The following CLASP2 variants were observed in gnomAD, a reference collection of about 807,000 sequenced individuals.
CLASP2 encodes the protein cytoplasmic linker associated protein 2, also known as CLIP-associating protein 2.
CLASP2 carries 47 observed loss-of-function variants against 194.4 expected under a neutral mutation model. The ratio of observed to expected loss-of-function variants is 0.24; its 90% CI spans 0.19 to 0.31. The LOEUF is 0.31. CLASP2 is among the 10% of genes least tolerant of loss of function. The probability of loss-of-function intolerance (pLI) is 1.00; values close to 1 mark genes in which losing one functional copy is unlikely to be tolerated. For missense variants in CLASP2, 1,445 were observed against 1,823.6 expected, an observed-to-expected ratio of 0.79 and a Z score of 3.78; for synonymous variants, 619 against 633.5, an observed-to-expected ratio of 0.98 and a Z score of 0.34.
chr3:33,514,662 C>A, intron 36 of CLASP2: 1 of 333,214 alleles, frequency 3.0e-6, no homozygotes, highest in Non-Finnish European at 6.3e-6. Flanking sequence ...TCCAGCAATC[C>A]CACTATTGGG....
At chr3:33,629,837 T>C (rs2154291174) in intron 9 of CLASP2, among the ~76,000 whole-genome samples, 1 of 149,228 alleles carries the variant, frequency 6.7e-6, no homozygotes, top group East Asian at 2.0e-4. Context: ...TAGTATAATA[T>C]GTACAGTCCT....
At chr3:33,504,773 T>G (rs569884057) in intron 37 of CLASP2, 2 of 152,336 alleles carry the variant, frequency 1.3e-5, no homozygotes, top group Non-Finnish European at 1.5e-5. Context: ...CCCTCATATG[T>G]GCAACTCACA....
chr3:33,551,983 A>T (rs943823209), intron 29 of CLASP2, among the ~76,000 whole-genome samples: 2 of 151,104 alleles, frequency 1.3e-5, no homozygotes, highest in African/African-American at 4.9e-5. Context: ...ACACAATGAG[A>T]TGAGGTTCCT....
In CLASP2 at chr3:33,576,273, G is replaced by A; in HGVS notation, c.2350C>T (p.Pro784Ser). The change falls in exon 24 of 39, where the codon CCA (proline) becomes TCA (serine). Residue 784 changes from proline to serine, a missense_variant and splice_region_variant. This residue lies in a region of CLASP2 where 732 missense variants were observed against 987.9 expected (regional missense o/e 0.74). Coordinates refer to ENST00000682230, the MANE Select transcript of CLASP2 (RefSeq NM_001365631.1). ...SPVRSFQPLG[P>S]GYGISQSSRL... ...CTTGATTGGCTGATCCCATAACCTG[G>A]ACCTAATTCATCAAAAGAAGGAAAA... 1 of 1,611,106 alleles carries A rather than the reference G, an allele frequency of 6.2e-7. No homozygotes were observed. Among genetic ancestry groups the A allele is most frequent in the East Asian group, 2.2e-5 (1 of 44,854 alleles).
Position 33,501,744 on chromosome 3 carries a change from C to T in CLASP2, c.4342G>A (p.Val1448Ile), listed in dbSNP as rs755787230. The T allele has an allele frequency of 1.9e-6, 3 of 1,613,412 alleles. No homozygotes were observed. In the South Asian group the frequency reaches 3.3e-5, roughly 18 times the overall value. Residue 1448 changes from valine (V) to isoleucine (I), a missense_variant, in exon 38 of 39, where the codon GTT becomes ATT. Transcript: ENST00000682230. Reference protein sequence around the residue: ...IQGYDNSESSVRKACVFCLVA... With the variant: ...IQGYDNSESSIRKACVFCLVA... ...AGGCAGAAGACACAAGCTTTCCGAA[C>T]ACTGCTCTCTGAATTATCATAACCC...
intron 18 of CLASP2, among the ~76,000 whole-genome samples, chr3:33,600,412 T>C (rs927917335): frequency 1.3e-5 from 2 of 152,154 alleles, no homozygotes; most frequent in African/African-American, 4.8e-5. Context: ...GTTGAGTATG[T>C]TTATTATGAA....
At chr3:33,516,365 G>C (rs2051312066) in intron 35 of CLASP2, among the ~76,000 whole-genome samples, 1 of 152,070 alleles carries the variant, frequency 6.6e-6, no homozygotes, top group Non-Finnish European at 1.5e-5. Context: ...ACTACATTCA[G>C]ACTATAAAAA....
chr3:33,684,533 C>T, intron 5 of CLASP2, 77 bp from the exon 6 acceptor site: 1 of 892,312 alleles, frequency 1.1e-6, no homozygotes, highest in East Asian at 2.9e-5. Context: ...TAACATTACA[C>T]TAACAGACCA....
chr3:33,663,994 G>A lies in CLASP2; in HGVS notation c.645-479C>T, dbSNP rs769774529. ...ATCTGATGCTATCCCTGTTTCACAC[G>A]ACTGTTTTCATACAACACCAATTCC... On this transcript the variant is annotated intron_variant, in intron 6 of 38. Transcript: ENST00000682230. Among the ~76,000 whole-genome samples the A allele has an allele frequency of 7.2e-5, 11 of 152,068 alleles. No individual in the cohort carries two copies. The East Asian group carries it at 9.6e-4, about 13-fold the overall frequency.
chr3:33,508,873 T>C (rs1244874908), intron 37 of CLASP2, among the ~76,000 whole-genome samples: 1 of 152,226 alleles, frequency 6.6e-6, no homozygotes, highest in Non-Finnish European at 1.5e-5. Flanking sequence ...TAATTCATTG[T>C]AGCATTATTC....
chr3:33,604,284 T>G, intron 16 of CLASP2, 75 bp from the exon 17 acceptor site: 1 of 925,714 alleles, frequency 1.1e-6, no homozygotes. Flanking sequence ...AAAATACTAC[T>G]GAATTTTGTG....
At chr3:33,543,356 G>A in intron 32 of CLASP2, 77 bp downstream of exon 32, 1 of 1,022,884 alleles carries the variant, frequency 9.8e-7, no homozygotes, top group Non-Finnish European at 1.5e-6. Flanking sequence ...CTGGGCGACA[G>A]AGCAAGACTC....
At chr3:33,500,162 A>G (rs1484739319) in intron 38 of CLASP2, among the ~76,000 whole-genome samples, 1 of 151,970 alleles carries the variant, frequency 6.6e-6, no homozygotes, top group Non-Finnish European at 1.5e-5. Context: ...CCTCCCAAGT[A>G]GCTGGGACCA....
At chr3:33,661,950 T>C (rs1481276484) in intron 7 of CLASP2, among the ~76,000 whole-genome samples, 1 of 152,204 alleles carries the variant, frequency 6.6e-6, no homozygotes, top group East Asian at 1.9e-4. Flanking sequence ...GACAGCATAT[T>C]ATCATCAAAA....
chr3:33,519,321 T>C (rs1004616528), intron 34 of CLASP2, among the ~76,000 whole-genome samples: 1 of 152,184 alleles, frequency 6.6e-6, no homozygotes, highest in Non-Finnish European at 1.5e-5. Context: ...CAGTGGCTTT[T>C]TTTGGACTTG....
At chr3:33,702,747 A>G (rs1280815959) in intron 1 of CLASP2, among the ~76,000 whole-genome samples, 1 of 152,190 alleles carries the variant, frequency 6.6e-6, no homozygotes, top group African/African-American at 2.4e-5. Flanking sequence ...CGTAATAGTA[A>G]AAGGACAAAT....
intron 16 of CLASP2, among the ~76,000 whole-genome samples, chr3:33,606,051 G>T (rs1359291424): frequency 1.3e-5 from 2 of 152,092 alleles, no homozygotes; most frequent in Admixed American, 1.3e-4. Context: ...CATAGGGCTA[G>T]AGAGACAGAA....
chr3:33,647,266 A>G (rs1181432274), intron 7 of CLASP2, among the ~76,000 whole-genome samples: 2 of 152,300 alleles, frequency 1.3e-5, no homozygotes, highest in East Asian at 1.9e-4. Flanking sequence ...ATTTTAGATT[A>G]TAAGTCAAAG....
intron 18 of CLASP2, among the ~76,000 whole-genome samples, chr3:33,600,731 C>T (rs1290283277): frequency 6.6e-6 from 1 of 152,138 alleles, no homozygotes; most frequent in African/African-American, 2.4e-5. Context: ...GAAAATATGA[C>T]TTGCTAATGG....
Sources: gnomAD v4.1 joint callset for allele counts (sites outside exome capture counted in the v4.1 genomes callset) on GRCh38, gnomAD v4.1.1 for gene constraint, gnomAD v4.1.1 regional missense constraint, MANE v1.5 for transcripts, NCBI Gene and HGNC (gene_info 2026-07-23, HGNC 2026-07-21) for gene names.